USP34: variants seen among roughly 807,000 people sequenced by gnomAD.
USP34 encodes ubiquitin specific peptidase 34, also known as ubiquitin carboxyl-terminal hydrolase 34.
USP34 carries 70 observed loss-of-function variants against 460.3 expected under a neutral mutation model. That is an observed-to-expected ratio of 0.15 (90% CI 0.13 to 0.19). The LOEUF (loss-of-function observed/expected upper bound fraction) is 0.19. Ranked by LOEUF, USP34 falls within the 10% of genes least tolerant of loss-of-function variation. The probability of loss-of-function intolerance (pLI) is 1.00; values close to 1 mark genes in which losing one functional copy is unlikely to be tolerated. For synonymous variants in USP34, 1,647 were observed against 1,405.3 expected, an observed-to-expected ratio of 1.17 and a Z score of -3.85; for missense variants, 3,985 against 4,236.2, an observed-to-expected ratio of 0.94 and a Z score of 1.65.
In USP34 at chr2:61,348,982, A is replaced by C. The variant is rs548717887; in HGVS notation, c.1544-96T>G. The C allele has an allele frequency of 4.8e-5, 66 of 1,375,222 alleles. No individual in the cohort carries two copies. The African/African-American group carries it at 7.8e-4, about 16-fold the overall frequency. 85.2% of individuals were successfully genotyped at this position (1,375,222 alleles called of 1,614,324 possible). A position where few individuals can be genotyped will look rare whatever the true frequency, so the allele number is the denominator to read the frequency against. ...ATTTGATTCCTTGACCTAGTTACCA[A>C]AGCTTTATGCTAAGTAGCCAAAAAT... On this transcript the variant is annotated intron_variant, in intron 13 of 79. Transcript: ENST00000398571.
At chr2:61,271,076 G>A (rs1034427873) in intron 41 of USP34, among the ~76,000 whole-genome samples, 5 of 151,918 alleles carry the variant, frequency 3.3e-5, no homozygotes, top group African/African-American at 9.7e-5. Flanking sequence ...CTGAGGTCAG[G>A]AATTCGAGAC....
At chr2:61,241,471 C>T (rs1006337362) in intron 53 of USP34, 89 bp downstream of exon 53, 4 of 874,174 alleles carry the variant, frequency 4.6e-6, no homozygotes, top group East Asian at 5.4e-5. Context: ...CAGATATCAA[C>T]CTGTAGAACC....
At chr2:61,396,319 A>G (rs1464172009) in intron 3 of USP34, among the ~76,000 whole-genome samples, 2 of 152,176 alleles carry the variant, frequency 1.3e-5, no homozygotes, top group East Asian at 1.9e-4. Context: ...ATATCCTTCA[A>G]TATTTAAAAT....
chr2:61,417,836 G>A lies in USP34; in HGVS notation c.131+2910C>T, dbSNP rs1032323981. ...AGCTCACTGCAACCTCTGCCTCCCG[G>A]GTTCAAATGATTCTCCTTCCTCAGG... On this transcript the variant is annotated intron_variant, in intron 2 of 79. Coordinates refer to ENST00000398571, the MANE Select transcript of USP34 (RefSeq NM_014709.4). 5.7e-4 allele frequency among the ~76,000 whole-genome samples: 85 copies of A among 148,934 alleles called. 1 individual carries two copies. Among genetic ancestry groups the A allele is most frequent in the African/African-American group, 1.8e-3 (75 of 40,560 alleles).
intron 3 of USP34, among the ~76,000 whole-genome samples, chr2:61,402,353 C>T (rs550027243): frequency 4.6e-5 from 7 of 152,160 alleles, no homozygotes; most frequent in Admixed American, 2.0e-4. Context: ...GTCCAATTAC[C>T]GAACCTTTTA....
chr2:61,319,333 T>C lies in USP34; in HGVS notation c.3014-6A>G. 6.6e-7 allele frequency: 1 copy of C among 1,522,496 alleles called. No homozygotes were observed. The highest frequency in any genetic ancestry group is 2.4e-5 in the East Asian group (1 of 41,842). The allele number at this position is 1,522,496 out of a possible 1,614,324, so 94.3% of individuals were successfully genotyped here. A position where few individuals can be genotyped will look rare whatever the true frequency, so the allele number is the denominator to read the frequency against. On this transcript the variant is annotated splice_region_variant and splice_polypyrimidine_tract_variant and intron_variant, in intron 21 of 79. Coordinates refer to ENST00000398571, the MANE Select transcript of USP34 (RefSeq NM_014709.4). ...AACTTGCTCTAAACTTAACCCTAGA[T>C]AAAAATTATAAATTTTATACTTTAT...
At chr2:61,440,972 A>C (rs1694948387) in intron 1 of USP34, among the ~76,000 whole-genome samples, 1 of 151,644 alleles carries the variant, frequency 6.6e-6, no homozygotes, top group Non-Finnish European at 1.5e-5. Flanking sequence ...CTAAAAATAC[A>C]AAAAAATTAG....
chr2:61,277,941 A>C (rs778090431), intron 41 of USP34: 3 of 499,850 alleles, frequency 6.0e-6, no homozygotes. Context: ...CGCCATCCAC[A>C]TAAGATGCGA....
chr2:61,281,380 G>C (rs1332262930), intron 37 of USP34, 138 bp from the exon 38 acceptor site: 29 of 1,110,716 alleles, frequency 2.6e-5, no homozygotes, highest in Non-Finnish European at 3.6e-5. Context: ...TGGAGGCCCA[G>C]GCAGGAGGAT....
In USP34 at chr2:61,190,655, C is replaced by G; in HGVS notation, c.9592G>C (p.Ala3198Pro). Residue 3198 changes from alanine to proline, a missense_variant, in exon 77 of 80, where the codon GCT (alanine) becomes CCT (proline). Coordinates refer to ENST00000398571, the MANE Select transcript of USP34 (RefSeq NM_014709.4). ...LWTELCQTQS[A>P]MSKNCIKLLC... ...AGCTTGATGCAGTTTTTTGACATAGCAGACTAAAGTGGGGAGAAGATGGTT... is the reference window on the plus strand; with the variant it reads ...AGCTTGATGCAGTTTTTTGACATAGGAGACTAAAGTGGGGAGAAGATGGTT... The G allele has an allele frequency of 1.2e-6, 2 of 1,612,832 alleles. No individual in the cohort carries two copies. Among genetic ancestry groups the G allele is most frequent in the Non-Finnish European group, 1.7e-6 (2 of 1,179,540 alleles).
At chr2:61,371,557 C>A (rs1378232688) in intron 8 of USP34, among the ~76,000 whole-genome samples, 2 of 151,006 alleles carry the variant, frequency 1.3e-5, no homozygotes, top group Non-Finnish European at 2.9e-5. Flanking sequence ...AGAGTCAAAA[C>A]GTTAAAAAAT....
At chr2:61,241,524 T>C (rs1300407241) in intron 53 of USP34, 36 bp downstream of exon 53, 12 of 1,502,426 alleles carry the variant, frequency 8.0e-6, no homozygotes, top group Non-Finnish European at 1.0e-5. Flanking sequence ...ACTTAACATA[T>C]TTTTAAAATG....
At chr2:61,380,064 C>CTTA in intron 7 of USP34, 105 bp downstream of exon 7, 1 of 927,336 alleles carries the variant, frequency 1.1e-6, no homozygotes, top group Non-Finnish European at 1.6e-6. Flanking sequence ...ACATAAAATA[C>CTTA]TTAGCACAAT....
chr2:61,407,845 TG>T (rs1435838200), intron 2 of USP34, among the ~76,000 whole-genome samples: 1 of 152,184 alleles, frequency 6.6e-6, no homozygotes, highest in African/African-American at 2.4e-5. Context: ...CTGGGTGTGG[TG>T]GCTCATGCCT....
chr2:61,212,195 A>G (rs1016981478), intron 68 of USP34, among the ~76,000 whole-genome samples: 36 of 152,240 alleles, frequency 2.4e-4, no homozygotes, highest in Non-Finnish European at 5.9e-5. Context: ...CAACATGATG[A>G]AACTCTGTCT....
chr2:61,224,759 T>TAAA (rs1687681628), intron 62 of USP34, among the ~76,000 whole-genome samples: 1 of 152,232 alleles, frequency 6.6e-6, no homozygotes, highest in African/African-American at 2.4e-5. Flanking sequence ...CTCATGGATT[T>TAAA]AAACATCTTT....
chr2:61,383,333 T>G lies in USP34; in HGVS notation c.757A>C (p.Arg253=). 1.9e-6 allele frequency: 3 copies of G among 1,597,866 alleles called. No individual in the cohort carries two copies. Among genetic ancestry groups the G allele is most frequent in the Non-Finnish European group, 2.6e-6 (3 of 1,169,336 alleles). The change falls in exon 6 of 80, where the codon AGA becomes CGA. Residue 253 remains arginine, a synonymous_variant. Transcript: ENST00000398571. ...HAFITVVSNI[R]IWLHIPAVMQ... is the part of the protein sequence containing the mutation. Reference sequence around the variant, plus strand: ...ACAGCGGGAATATGTAGCCATATTCTAATCTATATAAGAAACATAAAAACA... The same window carrying G: ...ACAGCGGGAATATGTAGCCATATTCGAATCTATATAAGAAACATAAAAACA...
At chr2:61,421,396 G>A (rs1424309960) in intron 1 of USP34, among the ~76,000 whole-genome samples, 3 of 152,142 alleles carry the variant, frequency 2.0e-5, no homozygotes, top group African/African-American at 7.2e-5. Context: ...GGAAGCTTGA[G>A]AACATTCAGT....
intron 27 of USP34, among the ~76,000 whole-genome samples, chr2:61,303,368 G>C (rs183278753): frequency 6.6e-6 from 1 of 151,580 alleles, no homozygotes; most frequent in African/African-American, 2.4e-5. Context: ...GGCCCAGCCA[G>C]AATATCGTAA....
Sources: gnomAD v4.1 joint callset for allele counts (sites outside exome capture counted in the v4.1 genomes callset) on GRCh38, gnomAD v4.1.1 for gene constraint, MANE v1.5 for transcripts, NCBI Gene and HGNC (gene_info 2026-07-23, HGNC 2026-07-21) for gene names.